The following EIF2D variants were observed in gnomAD, a reference collection of about 807,000 sequenced individuals.
The protein encoded by EIF2D is hepatocellular carcinoma-associated antigen 56.
In EIF2D, 56 loss-of-function variants were observed where a neutral mutation model predicts 77.4. The observed-to-expected ratio is 0.72, with a 90% CI of 0.58 to 0.90. EIF2D has a LOEUF of 0.90. Among genes scored for constraint, EIF2D ranks in the 40% least tolerant of loss-of-function variants. The pLI, the probability that EIF2D is intolerant of heterozygous loss-of-function variation, is 0.00. For synonymous variants in EIF2D, 230 were observed against 271.0 expected (o/e 0.85, Z 1.49); for missense variants, 574 against 706.5 (o/e 0.81, Z 2.13).
intron 2 of EIF2D, chr1:206,585,190 G>C (rs782607707): frequency 1.2e-6 from 2 of 1,613,984 alleles, no homozygotes; most frequent in South Asian, 2.2e-5. Flanking sequence ...TGCTCTTCCA[G>C]AAACTCTCCA....
chr1:206,575,003 G>T (rs1473574309), intron 4 of EIF2D, among the ~76,000 whole-genome samples: 4 of 150,700 alleles, frequency 2.7e-5, no homozygotes, highest in African/African-American at 9.7e-5. Flanking sequence ...GGGATTACAG[G>T]CGCACGGATA....
chr1:206,594,447 A>T (rs551024395), intron 13 of EIF2D: 1 of 152,368 alleles, frequency 6.6e-6, no homozygotes, highest in East Asian at 1.9e-4. Context: ...CTTTTAAAAT[A>T]TCACAATTCT....
intron 4 of EIF2D, among the ~76,000 whole-genome samples, chr1:206,574,517 G>A (rs1318626156): frequency 1.3e-5 from 2 of 152,100 alleles, no homozygotes; most frequent in East Asian, 1.9e-4. Flanking sequence ...ACCTCCACCC[G>A]CCACCTCTTT....
intron 13 of EIF2D, 63 bp from the exon 14 acceptor site, chr1:206,593,856 CT>C: frequency 6.8e-7 from 1 of 1,466,162 alleles, no homozygotes; most frequent in Non-Finnish European, 9.3e-7. Context: ...TCCAGAGGGC[CT>C]TCCAGAGCCT....
chr1:206,612,204 A>C, intron 1 of EIF2D, 83 bp downstream of exon 1: 1 of 1,590,744 alleles, frequency 6.3e-7, no homozygotes, highest in Non-Finnish European at 8.6e-7. Flanking sequence ...GATGTCGGCC[A>C]AGAATAGCGA....
downstream of EIF2D, chr1:206,589,519 G>A (rs1268478523): frequency 6.6e-6 from 1 of 152,218 alleles, no homozygotes; most frequent in African/African-American, 2.4e-5. Flanking sequence ...GAGTCAAGGA[G>A]ACTGATTGCA....
At position 206,602,339 on chromosome 1, in the gene EIF2D, CAGG is replaced by C. The variant is rs782631810; in HGVS notation, c.896_898del (p.Ser299del). ...CCCACATCAGTGCTTTCCATACCAG[CAGG>C]AGAACATGTGGCTGCCAAGGAAAGT... On this transcript the variant is annotated inframe_deletion, in exon 7 of 15. Coordinates refer to ENST00000271764, the MANE Select transcript of EIF2D (RefSeq NM_006893.3). 4.3e-6 allele frequency: 7 copies of C among 1,614,036 alleles called. No individual in the cohort carries two copies. The highest frequency in any genetic ancestry group is 5.9e-6 in the Non-Finnish European group (7 of 1,179,860).
exon 5 of EIF2D, chr1:206,572,622 T>C (rs1668487645): frequency 6.6e-6 from 1 of 152,178 alleles, no homozygotes; most frequent in Admixed American, 6.5e-5. Context: ...GAAAGTATGG[T>C]CACTTCTCCA....
Position 206,612,377 on chromosome 1 carries a change from A to G in EIF2D, c.-35T>C. On this transcript the variant is annotated 5_prime_UTR_variant, in exon 1 of 15. Transcript: ENST00000271764. ...GGTGGCCTGGGGAAGAGAGCACAGAAGCCAGGGAATGTCAAGAAAGCGAGG... is the reference window on the plus strand; with the variant it reads ...GGTGGCCTGGGGAAGAGAGCACAGAGGCCAGGGAATGTCAAGAAAGCGAGG... 6.2e-7 allele frequency: 1 copy of G among 1,614,080 alleles called. No homozygotes were observed. Among genetic ancestry groups the G allele is most frequent in the Non-Finnish European group, 8.5e-7 (1 of 1,179,886 alleles).
In EIF2D at chr1:206,599,165, A is replaced by T; in HGVS notation, c.1203-73T>A. The T allele has an allele frequency of 1.4e-6, 2 of 1,420,942 alleles. No homozygotes were observed. Among genetic ancestry groups the T allele is most frequent in the South Asian group, 2.4e-5 (2 of 84,992 alleles). The allele number at this position is 1,420,942 out of a possible 1,614,324, so 88.0% of individuals were successfully genotyped here. On this transcript the variant is annotated intron_variant, in intron 10 of 14. Coordinates refer to ENST00000271764, the MANE Select transcript of EIF2D (RefSeq NM_006893.3). The surrounding 1 kb of genome is among the most constrained non-coding windows in gnomAD (Gnocchi z 4.1). ...GACAAAAATGCAGATGCCCAGACTC[A>T]CTCCCTGCTGAGCAGGGAACTTTCC...
intron 13 of EIF2D, 21 bp from the exon 14 acceptor site, chr1:206,593,814 G>C (rs1553409544): frequency 6.3e-7 from 1 of 1,579,962 alleles, no homozygotes; most frequent in Admixed American, 1.7e-5. Context: ...AGTGGGGACA[G>C]AGACTGACGG....
chr1:206,602,407 C>T lies in EIF2D; in HGVS notation c.831G>A (p.Lys277=). The part of the protein sequence containing the change: ...LLQQCFLHAL[K]CRVKKADLPL... ...GGAGGTCAGCCTTTTTGACTCGGCA[C>T]TTCAAGGCATGTAAGAAGCATTGCT... Residue 277 remains lysine, a synonymous_variant, in exon 7 of 15, where the codon AAG becomes AAA. Coordinates refer to ENST00000271764, the MANE Select transcript of EIF2D (RefSeq NM_006893.3). The T allele has an allele frequency of 1.2e-6, 2 of 1,614,226 alleles. No homozygotes were observed. The highest frequency in any genetic ancestry group is 1.3e-5 in the African/African-American group (1 of 75,056).
At position 206,574,440 on chromosome 1, in the gene EIF2D, G is replaced by T. The variant is rs1668559974; in HGVS notation, c.*255-1741C>A. On this transcript the variant is annotated intron_variant and NMD_transcript_variant, in intron 4 of 5. Transcript: ENST00000472709. ...GCAGTTCATTCAGTTACTACTGGCG[G>T]ACTGTTGACATTGACCATCTGCTCT... Among the ~76,000 whole-genome samples, 3 of 152,186 alleles carry T rather than the reference G, an allele frequency of 2.0e-5. No individual in the cohort carries two copies. The South Asian group carries it at 6.2e-4, about 32-fold the overall frequency.
Position 206,609,402 on chromosome 1 carries a change from ACCAGAGG to A in EIF2D, c.298_304del (p.Pro100CysfsTer6). Reference sequence around the variant, plus strand: ...TGCTCCCCCTACCAGTTTCTCGAGCACCAGAGGCCATGTTGTAAAGGTTGGCAGAAGA... The same window carrying A: ...TGCTCCCCCTACCAGTTTCTCGAGCACCATGTTGTAAAGGTTGGCAGAAGA... On this transcript the variant is annotated frameshift_variant, in exon 3 of 15. Coordinates refer to ENST00000271764, the MANE Select transcript of EIF2D (RefSeq NM_006893.3). LOFTEE classifies it high-confidence loss of function. 1 of 1,614,252 alleles carries A rather than the reference ACCAGAGG, an allele frequency of 6.2e-7. No individual in the cohort carries two copies.
intron 5 of EIF2D, among the ~76,000 whole-genome samples, chr1:206,571,881 A>T (rs936160662): frequency 6.6e-6 from 1 of 152,218 alleles, no homozygotes; most frequent in Non-Finnish European, 1.5e-5. Flanking sequence ...TCCTGAGGGC[A>T]TAAGATGTCC....
chr1:206,583,778 G>C (rs1553406889), intron 2 of EIF2D: 3 of 200,502 alleles, frequency 1.5e-5, no homozygotes, highest in Admixed American at 5.3e-5. Flanking sequence ...TCTCAGAGAG[G>C]GGAGGGCACC....
At chr1:206,604,230 G>T (rs1041389457) in intron 5 of EIF2D, among the ~76,000 whole-genome samples, 1 of 150,434 alleles carries the variant, frequency 6.6e-6, no homozygotes, top group Admixed American at 6.6e-5. Context: ...ATCACGTGAG[G>T]TTAGGAGTTC....
Position 206,584,264 on chromosome 1 carries a change from C to A in EIF2D, c.139-3102G>T. 1 of 924,358 alleles carries A rather than the reference C, an allele frequency of 1.1e-6. No homozygotes were observed. The highest frequency in any genetic ancestry group is 1.6e-6 in the Non-Finnish European group (1 of 619,594). 57.3% of individuals were successfully genotyped at this position (924,358 alleles called of 1,614,324 possible). On this transcript the variant is annotated intron_variant and NMD_transcript_variant, in intron 2 of 5. Transcript: ENST00000472709. The surrounding 1 kb of genome is among the most constrained non-coding windows in gnomAD (Gnocchi z 4.9). ...GCTCCTTCCTCCAGCTCTCCCACGT[C>A]AGCAGAGGCAGGAAAGAACTCAAGG...
chr1:206,582,812 G>C (rs527606752), intron 2 of EIF2D, among the ~76,000 whole-genome samples: 1 of 152,310 alleles, frequency 6.6e-6, no homozygotes, highest in South Asian at 2.1e-4. Context: ...GTAGACGCCT[G>C]TCCCTCCAGC....
Sources: allele counts gnomAD v4.1 joint callset (sites outside exome capture counted in the v4.1 genomes callset), GRCh38; gene constraint gnomAD v4.1.1; non-coding constraint Gnocchi (gnomAD v3.1); transcripts MANE v1.5; gene names NCBI Gene and HGNC (gene_info 2026-07-23, HGNC 2026-07-21).